SH3KBP1: variants seen among roughly 807,000 people sequenced by gnomAD.
SH3KBP1 encodes SH3 domain-containing kinase-binding protein 1.
A neutral mutation model predicts 50.1 loss-of-function variants in SH3KBP1; 8 were observed. The observed-to-expected ratio is 0.16, with a 90% CI of 0.09 to 0.29. The LOEUF (loss-of-function observed/expected upper bound fraction) is 0.29, where lower values mean the gene tolerates loss of function less well. SH3KBP1 is among the 10% of genes least tolerant of loss of function. The probability of loss-of-function intolerance (pLI) is 1.00; values close to 1 mark genes in which losing one functional copy is unlikely to be tolerated. For synonymous variants in SH3KBP1, 227 were observed against 218.6 expected (o/e 1.04, Z -0.34); for missense variants, 377 against 535.2 (o/e 0.70, Z 2.92).
intron 1 of SH3KBP1, among the ~76,000 whole-genome samples, chrX:19,876,410 A>G (rs903189112): frequency 3.6e-5 from 4 of 111,664 alleles, no homozygotes; most frequent in African/African-American, 1.3e-4. Context: ...GTTAAGATCC[A>G]GGACAAAGTT....
chrX:19,715,623 A>G (rs2063890708), intron 3 of SH3KBP1, among the ~76,000 whole-genome samples: 1 of 111,934 alleles, frequency 8.9e-6, no homozygotes, highest in Non-Finnish European at 1.9e-5. Flanking sequence ...TCTGTTGCCC[A>G]AAGAAGAGCA....
chrX:19,822,453 A>G (rs2067555464), intron 2 of SH3KBP1, among the ~76,000 whole-genome samples: 1 of 111,879 alleles, frequency 8.9e-6, no homozygotes, highest in African/African-American at 3.2e-5. Context: ...TATTGAGCTC[A>G]TCTGGTGAGC....
chrX:19,665,642 GGGAATAA>G (rs1953481729), intron 6 of SH3KBP1, among the ~76,000 whole-genome samples: 1 of 111,942 alleles, frequency 8.9e-6, no homozygotes, highest in Non-Finnish European at 1.9e-5. Context: ...AGCCTGAGCT[GGGAATAA>G]GGCTGTCATC....
At chrX:19,551,596 G>C (rs1569274783) in intron 13 of SH3KBP1, among the ~76,000 whole-genome samples, 1 of 101,382 alleles carries the variant, frequency 9.9e-6, no homozygotes, top group Non-Finnish European at 2.0e-5. Context: ...CCAGGCTGGA[G>C]GGCAGTGGCA....
chrX:19,767,008 T>C (rs2065640948), intron 2 of SH3KBP1, among the ~76,000 whole-genome samples: 1 of 111,510 alleles, frequency 9.0e-6, no homozygotes, highest in South Asian at 3.8e-4. Flanking sequence ...ACCATAGTCC[T>C]TATCCTTAAA....
At chrX:19,742,012 C>T (rs915063332) in intron 3 of SH3KBP1, among the ~76,000 whole-genome samples, 1 of 112,049 alleles carries the variant, frequency 8.9e-6, no homozygotes, top group African/African-American at 3.2e-5. Context: ...CACGGGCCAG[C>T]AGGGTATTGA....
rs187967070 is a variant in SH3KBP1, at chrX:19,868,961, C to T, written c.4+18346G>A. On this transcript the variant is annotated intron_variant, in intron 1 of 17. Transcript: ENST00000397821. ...TTGATTAAGGATCTTGACATGAGGA[C>T]AGTATCCTGGATTAACTGGCTGATC... Among the ~76,000 whole-genome samples, 910 of 110,300 alleles carry T rather than the reference C, an allele frequency of 8.3e-3. 13 individuals are homozygous for T. The highest frequency in any genetic ancestry group is 0.028 in the African/African-American group (857 of 30,261).
chrX:19,846,172 C>T (rs2068365113), intron 1 of SH3KBP1, among the ~76,000 whole-genome samples: 1 of 111,387 alleles, frequency 9.0e-6, no homozygotes. Context: ...AACAATTCTC[C>T]TGCCTTGGCC....
chrX:19,841,931 C>CT (rs1327788347), intron 1 of SH3KBP1, among the ~76,000 whole-genome samples: 1 of 103,875 alleles, frequency 9.6e-6, no homozygotes, highest in Non-Finnish European at 2.0e-5. Context: ...GGGGGGGGCT[C>CT]TTTTTTTCTT....
At chrX:19,645,496 T>C (rs1258122955) in intron 6 of SH3KBP1, 21 bp from the exon 7 acceptor site, 1 of 1,078,097 alleles carries the variant, frequency 9.3e-7, no homozygotes, top group Non-Finnish European at 1.3e-6. Context: ...AAACAGATGA[T>C]TTTACTTATC....
chrX:19,817,629 A>G (rs1457817889), intron 2 of SH3KBP1, among the ~76,000 whole-genome samples: 2 of 111,570 alleles, frequency 1.8e-5, no homozygotes, highest in Non-Finnish European at 3.8e-5. Context: ...TTTTATATTT[A>G]TATATGGTTT....
intron 13 of SH3KBP1, among the ~76,000 whole-genome samples, chrX:19,566,386 A>G (rs1268493049): frequency 1.9e-5 from 2 of 104,849 alleles, no homozygotes; most frequent in African/African-American, 7.1e-5. Flanking sequence ...GATAGCGATC[A>G]TAGACATCTC....
At chrX:19,881,442 A>G (rs955223502) in intron 1 of SH3KBP1, among the ~76,000 whole-genome samples, 1 of 112,081 alleles carries the variant, frequency 8.9e-6, no homozygotes, top group Non-Finnish European at 1.9e-5. Context: ...CAGAGGAGAA[A>G]TGCTGTGCTT....
intron 3 of SH3KBP1, among the ~76,000 whole-genome samples, chrX:19,735,802 C>A (rs1390742028): frequency 9.5e-6 from 1 of 105,131 alleles, no homozygotes; most frequent in Non-Finnish European, 1.9e-5. Context: ...CGGCTCACTG[C>A]AAGCTCCGCC....
intron 9 of SH3KBP1, among the ~76,000 whole-genome samples, chrX:19,599,497 G>A (rs773476080): frequency 3.6e-5 from 4 of 112,147 alleles, no homozygotes; most frequent in African/African-American, 9.7e-5. Context: ...TCGGAAACCC[G>A]GCAGTTGCAG....
chrX:19,847,414 C>T (rs977338407), intron 1 of SH3KBP1, among the ~76,000 whole-genome samples: 2 of 111,012 alleles, frequency 1.8e-5, no homozygotes, highest in East Asian at 2.8e-4. Flanking sequence ...TGCTTGTTGT[C>T]GAGGGGCAAG....
intron 7 of SH3KBP1, among the ~76,000 whole-genome samples, chrX:19,638,456 G>A (rs746064509): frequency 6.5e-5 from 7 of 108,369 alleles, no homozygotes; most frequent in African/African-American, 2.0e-4. Context: ...GTGGTTCTCA[G>A]GCTTGAGTGG....
chrX:19,760,018 TCTCTCCTCTCTCTCTCTCTCTCC>T (rs1348251775), intron 2 of SH3KBP1, among the ~76,000 whole-genome samples: 41 of 96,737 alleles, frequency 4.2e-4, no homozygotes, highest in African/African-American at 1.7e-3. Context: ...GGTCTCTCTC[TCTCTCCTCTCTCTCTCTCTCTCC>T]CTCTCTCTCT....
chrX:19,722,585 T>C (rs1014612376), intron 3 of SH3KBP1, among the ~76,000 whole-genome samples: 2 of 104,922 alleles, frequency 1.9e-5, no homozygotes, highest in African/African-American at 7.1e-5. Context: ...TGTGTGTGTG[T>C]GTGTGTGTGT....
Sources: gnomAD v4.1 joint callset for allele counts (sites outside exome capture counted in the v4.1 genomes callset) on GRCh38, gnomAD v4.1.1 for gene constraint, MANE v1.5 for transcripts, NCBI Gene and HGNC (gene_info 2026-07-23, HGNC 2026-07-21) for gene names.